The following PLEKHG1 variants were observed in gnomAD, a reference collection of about 807,000 sequenced individuals.
The protein encoded by PLEKHG1 is pleckstrin homology and RhoGEF domain containing G1.
In PLEKHG1, 44 loss-of-function variants were observed where a neutral mutation model predicts 100.8. The ratio of observed to expected loss-of-function variants is 0.44; its 90% CI spans 0.34 to 0.56. PLEKHG1 has a LOEUF of 0.56. Among genes scored for constraint, PLEKHG1 ranks in the 20% least tolerant of loss-of-function variants. The pLI is 0.01. For missense variants in PLEKHG1, 1,545 were observed against 1,720.9 expected (o/e 0.90, Z 1.81); for synonymous variants, 640 against 662.5 (o/e 0.97, Z 0.52).
intron 4 of PLEKHG1, 80 bp downstream of exon 5, chr6:150,786,539 G>C: frequency 1.1e-6 from 1 of 922,780 alleles, no homozygotes; most frequent in South Asian, 1.5e-5. Context: ...AAAATGACTG[G>C]TTTGTTTCAT....
At chr6:150,834,190 AT>A (rs1454499617) in intron 15 of PLEKHG1, among the ~76,000 whole-genome samples, 1 of 152,114 alleles carries the variant, frequency 6.6e-6, no homozygotes, top group Non-Finnish European at 1.5e-5. Context: ...GAATGCATGT[AT>A]TTTTCTCCTT....
intron 2 of PLEKHG1, among the ~76,000 whole-genome samples, chr6:150,755,859 A>G (rs866725683): frequency 6.6e-6 from 1 of 152,198 alleles, no homozygotes; most frequent in Non-Finnish European, 1.5e-5. Flanking sequence ...TTCCCAGGAC[A>G]GTAAATTTAA....
At chr6:150,708,921 G>A (rs1279098766) in intron 3 of PLEKHG1, among the ~76,000 whole-genome samples, 5 of 152,196 alleles carry the variant, frequency 3.3e-5, no homozygotes, top group Admixed American at 6.5e-5. Flanking sequence ...CAGTGAACAG[G>A]TAAAAAGCAT....
intron 5 of PLEKHG1, among the ~76,000 whole-genome samples, chr6:150,797,394 T>C (rs1480944814): frequency 2.0e-5 from 3 of 152,120 alleles, no homozygotes; most frequent in African/African-American, 7.2e-5. Context: ...TGTTGCTGCA[T>C]GTGGTGGTGT....
At chr6:150,803,736 G>C (rs1405067718) in intron 6 of PLEKHG1, among the ~76,000 whole-genome samples, 1 of 152,082 alleles carries the variant, frequency 6.6e-6, no homozygotes, top group African/African-American at 2.4e-5. Context: ...GTGCTAAAAT[G>C]TCTACTTGCT....
intron 9 of PLEKHG1, 41 bp from the exon 11 acceptor site, chr6:150,809,607 T>C: frequency 6.4e-7 from 1 of 1,570,632 alleles, no homozygotes; most frequent in Non-Finnish European, 8.8e-7. Flanking sequence ...CTGTGGGTGG[T>C]GGAATCAAGT....
In PLEKHG1 at chr6:150,628,527, A is replaced by AACACACACACACACACACACACACAC. The variant is rs565121317; in HGVS notation, c.-203-9528_-203-9503dup. Among the ~76,000 whole-genome samples, 94 of 94,774 alleles carry AACACACACACACACACACACACACAC rather than the reference A, an allele frequency of 9.9e-4. 1 individual carries two copies. The highest frequency in any genetic ancestry group is 1.6e-3 in the African/African-American group (40 of 25,530). The allele number at this position is 94,774 out of a possible 152,430, so 62.2% of individuals were successfully genotyped here. On this transcript the variant is annotated intron_variant, in intron 1 of 3. Coordinates refer to the PLEKHG1 transcript ENST00000367326. ...TTTTGGGATGGTATGTAGATAGGAA[A>AACACACACACACACACACACACACAC]ACACACACACACACACACACACACA...
intron 6 of PLEKHG1, 22 bp from the exon 8 acceptor site, chr6:150,804,583 AAAAAC>A: frequency 3.2e-6 from 5 of 1,551,992 alleles, no homozygotes; most frequent in East Asian, 2.3e-5. Flanking sequence ...TGAAAAAAAA[AAAAAC>A]CCTCGTTCTT....
chr6:150,785,040 A>G (rs1369754345), intron 3 of PLEKHG1, among the ~76,000 whole-genome samples: 1 of 152,052 alleles, frequency 6.6e-6, no homozygotes, highest in East Asian at 1.9e-4. Flanking sequence ...AATTAAAAAA[A>G]AAAAAAAGAG....
intron 4 of PLEKHG1, among the ~76,000 whole-genome samples, chr6:150,787,878 C>T (rs1429660926): frequency 6.6e-6 from 1 of 152,106 alleles, no homozygotes; most frequent in Non-Finnish European, 1.5e-5. Flanking sequence ...CACATACAAT[C>T]CTTTTCACAA....
intron 2 of PLEKHG1, 59 bp downstream of exon 3, chr6:150,734,151 A>G: frequency 6.5e-7 from 1 of 1,527,664 alleles, no homozygotes; most frequent in East Asian, 2.3e-5. Context: ...TGCAAAAGAA[A>G]TGACAAAGCC....
At chr6:150,782,938 T>A (rs1785398025) in intron 3 of PLEKHG1, among the ~76,000 whole-genome samples, 2 of 151,412 alleles carry the variant, frequency 1.3e-5, no homozygotes, top group South Asian at 4.2e-4. Context: ...GCTAAAATCA[T>A]CAAAAAGGGA....
At chr6:150,763,469 G>A (rs1394416548) in intron 2 of PLEKHG1, among the ~76,000 whole-genome samples, 1 of 152,232 alleles carries the variant, frequency 6.6e-6, no homozygotes, top group African/African-American at 2.4e-5. Flanking sequence ...TGAGCACATG[G>A]AAATCTACGA....
At chr6:150,612,439 TCTC>T (rs1776892398) in intron 1 of PLEKHG1, among the ~76,000 whole-genome samples, 1 of 152,244 alleles carries the variant, frequency 6.6e-6, no homozygotes, top group African/African-American at 2.4e-5. Flanking sequence ...TTCCGGCAAT[TCTC>T]CTGCCTCAGC....
intron 1 of PLEKHG1, among the ~76,000 whole-genome samples, chr6:150,726,550 C>T (rs1014643353): frequency 3.9e-5 from 6 of 152,156 alleles, no homozygotes; most frequent in Non-Finnish European, 8.8e-5. Context: ...CATCCAGCTT[C>T]CCCTAACATT....
chr6:150,806,590 G>A (rs1787120329), intron 7 of PLEKHG1, among the ~76,000 whole-genome samples: 1 of 151,798 alleles, frequency 6.6e-6, no homozygotes, highest in South Asian at 2.1e-4. Flanking sequence ...GGAGGCTGAG[G>A]CAGGAGAATT....
At chr6:150,807,909 C>T (rs1787234664) in intron 7 of PLEKHG1, among the ~76,000 whole-genome samples, 2 of 152,080 alleles carry the variant, frequency 1.3e-5, no homozygotes. Context: ...GGAGAGGTTG[C>T]AGTGAGCCGA....
intron 1 of PLEKHG1, among the ~76,000 whole-genome samples, chr6:150,623,418 C>T (rs1415384324): frequency 6.6e-6 from 1 of 152,186 alleles, no homozygotes; most frequent in African/African-American, 2.4e-5. Flanking sequence ...ACGCAAATAA[C>T]AAATGTCGCA....
At chr6:150,770,486 C>T (rs1394935455) in intron 3 of PLEKHG1, among the ~76,000 whole-genome samples, 3 of 152,146 alleles carry the variant, frequency 2.0e-5, no homozygotes, top group Non-Finnish European at 4.4e-5. Flanking sequence ...ACCTGGGCTA[C>T]CCACTGGAAT....
Sources: allele counts gnomAD v4.1 joint callset (sites outside exome capture counted in the v4.1 genomes callset), GRCh38; gene constraint gnomAD v4.1.1; transcripts MANE v1.5; gene names NCBI Gene and HGNC (gene_info 2026-07-23, HGNC 2026-07-21).